The following NID2 variants were observed in gnomAD, a reference collection of about 807,000 sequenced individuals.
The protein encoded by NID2 is nidogen 2, also known as nidogen-2.
In NID2, 83 loss-of-function variants were observed where a neutral mutation model predicts 145.4. That is an observed-to-expected ratio of 0.57 (90% confidence interval 0.48 to 0.69). NID2 has a LOEUF of 0.69. Ranked by LOEUF, NID2 falls within the 30% of genes least tolerant of loss-of-function variation. The probability of loss-of-function intolerance (pLI) is 0.00; values close to 1 mark genes in which losing one functional copy is unlikely to be tolerated. For missense variants in NID2, 1,807 were observed against 1,765.7 expected, an observed-to-expected ratio of 1.02 and a Z score of -0.42; for synonymous variants, 739 against 701.3, an observed-to-expected ratio of 1.05 and a Z score of -0.85.
At chr14:52,037,310 A>G (rs1892107544) in intron 9 of NID2, among the ~76,000 whole-genome samples, 1 of 151,994 alleles carries the variant, frequency 6.6e-6, no homozygotes, top group Admixed American at 6.6e-5. Flanking sequence ...TATTATTATT[A>G]TACTTTAAGT....
chr14:52,007,452 C>A, intron 19 of NID2: 1 of 264,040 alleles, frequency 3.8e-6, no homozygotes, highest in Non-Finnish European at 7.3e-6. Flanking sequence ...ATGTCCTTAG[C>A]ATTATAACAG....
chr14:52,057,472 G>A (rs1214972990), intron 3 of NID2, among the ~76,000 whole-genome samples: 1 of 152,114 alleles, frequency 6.6e-6, no homozygotes, highest in Non-Finnish European at 1.5e-5. Flanking sequence ...GGAGGCTGAG[G>A]CAGGTGGATC....
intron 20 of NID2, chr14:52,006,135 C>G (rs1434130778): frequency 2.3e-6 from 1 of 441,562 alleles, no homozygotes; most frequent in Non-Finnish European, 4.2e-6. Context: ...GAGAACTAGT[C>G]TAAATAGTAT....
At position 52,005,465 on chromosome 14, in the gene NID2, TCTTC is replaced by T. The variant is rs1470737649; in HGVS notation, c.*17_*20del. On this transcript the variant is annotated 3_prime_UTR_variant, in exon 22 of 22. Coordinates refer to ENST00000216286, the MANE Select transcript of NID2 (RefSeq NM_007361.4). ...CCAGGTTCTGATTGTAAACTCCAAG[TCTTC>T]CTTTACATTACTGTACTTACTTTCT... The T allele has an allele frequency of 5.1e-6, 8 of 1,580,946 alleles. No individual in the cohort carries two copies. The highest frequency in any genetic ancestry group is 6.9e-6 in the Non-Finnish European group (8 of 1,167,166).
At chr14:52,034,047 T>C (rs936850473) in intron 9 of NID2, among the ~76,000 whole-genome samples, 5 of 152,126 alleles carry the variant, frequency 3.3e-5, no homozygotes, top group Admixed American at 6.5e-5. Context: ...GAGGTCATTG[T>C]GGGGATTAAA....
At position 52,010,961 on chromosome 14, in the gene NID2, C is replaced by T. The variant is rs370703062; in HGVS notation, c.3637G>A (p.Ala1213Thr). The change falls in exon 18 of 22, where the codon GCC (alanine) becomes ACC (threonine). Residue 1213 changes from alanine to threonine, a missense_variant. Physicochemically the swap from Ala to Thr is moderately conservative, Grantham distance 58. Coordinates refer to ENST00000216286, the MANE Select transcript of NID2 (RefSeq NM_007361.4). Reference sequence around the variant, plus strand: ...TTGCGCTCAGAGCCATCCAGCAGGGCGCTCTCTATCTTATCCAGGACACTG... The same window carrying T: ...TTGCGCTCAGAGCCATCCAGCAGGGTGCTCTCTATCTTATCCAGGACACTG... ...TDSVLDKIES[A>T]LLDGSERKVL... 74 of 1,614,104 alleles carry T rather than the reference C, an allele frequency of 4.6e-5. No individual in the cohort carries two copies. In the Middle Eastern group the frequency reaches 8.3e-4, roughly 18 times the overall value.
At position 52,068,938 on chromosome 14, in the gene NID2, C is replaced by T. The variant is rs760690386; in HGVS notation, c.57G>A (p.Leu19=). The T allele has an allele frequency of 1.6e-5, 26 of 1,613,852 alleles. No homozygotes were observed. The highest frequency in any genetic ancestry group is 2.1e-5 in the Non-Finnish European group (25 of 1,179,960). The change falls in exon 1 of 22, where the codon CTG becomes CTA. Residue 19 remains leucine, a synonymous_variant. Coordinates refer to ENST00000216286, the MANE Select transcript of NID2 (RefSeq NM_007361.4). ...CCCGCAACATTAGCAACGGCAGCAG[C>T]AGTAGCACTGGTAACGACGACAGCA... is the stretch of plus-strand genomic sequence containing the variant. The part of the protein sequence containing the change: ...RPVLSSLPVL[L]LLPLLMLRAA...
intron 21 of NID2, 95 bp from the exon 22 acceptor site, chr14:52,005,591 G>A (rs1890742311): frequency 6.7e-7 from 1 of 1,492,604 alleles, no homozygotes; most frequent in African/African-American, 1.4e-5. Context: ...TATAAACTAG[G>A]TAGATTTAAG....
chr14:52,067,808 T>C, intron 2 of NID2, 50 bp downstream of exon 2: 10 of 1,597,752 alleles, frequency 6.3e-6, no homozygotes, highest in Non-Finnish European at 8.6e-6. Flanking sequence ...CCCCAGAATT[T>C]AAGCCCATCC....
chr14:52,005,350 TACAAA>T lies in NID2; in HGVS notation c.*131_*135del. The T allele has an allele frequency of 1.3e-6, 1 of 758,472 alleles. No homozygotes were observed. Among genetic ancestry groups the T allele is most frequent in the Non-Finnish European group, 2.0e-6 (1 of 511,970 alleles). The allele number at this position is 758,472 out of a possible 1,614,324, so 47.0% of individuals were successfully genotyped here. A position where few individuals can be genotyped will look rare whatever the true frequency, so the allele number is the denominator to read the frequency against. ...GCTTTTCACAAAAGTCTTTTTGCAC[TACAAA>T]ATGTTCATCTTGGATGCTCAGGAAC... On this transcript the variant is annotated 3_prime_UTR_variant, in exon 22 of 22. Coordinates refer to ENST00000216286, the MANE Select transcript of NID2 (RefSeq NM_007361.4).
At chr14:52,019,603 A>C (rs1891330203) in intron 13 of NID2, among the ~76,000 whole-genome samples, 1 of 152,172 alleles carries the variant, frequency 6.6e-6, no homozygotes, top group South Asian at 2.1e-4. Flanking sequence ...GCCAAAGCTC[A>C]TTCATGCCCT....
intron 14 of NID2, among the ~76,000 whole-genome samples, 168 bp from the exon 15 acceptor site, chr14:52,015,443 A>C (rs531381587): frequency 6.6e-6 from 1 of 152,346 alleles, no homozygotes; most frequent in African/African-American, 2.4e-5. Context: ...AATGTGTTCT[A>C]AGTACTTCTC....
intron 16 of NID2, among the ~76,000 whole-genome samples, chr14:52,012,779 C>G (rs1891081307): frequency 1.3e-5 from 2 of 152,158 alleles, no homozygotes; most frequent in Non-Finnish European, 2.9e-5. Flanking sequence ...GCAGAACTTG[C>G]TTCATTCAGT....
In NID2 at chr14:52,060,146, G is replaced by C; in HGVS notation, c.745C>G (p.Gln249Glu). Residue 249 changes from glutamine to glutamate, a missense_variant, in exon 3 of 22, where the codon CAG becomes GAG. Transcript: ENST00000216286. ...TACTGATAGAGATTTTTCACAGACT[G>C]TTCAGTGCTAGTCAAGCTGAAATAT... Reference protein sequence around the residue: ...GPYFSLTSTEQSVKNLYQLSN... With the variant: ...GPYFSLTSTEESVKNLYQLSN... The C allele has an allele frequency of 6.2e-7, 1 of 1,611,832 alleles. No individual in the cohort carries two copies. Among genetic ancestry groups the C allele is most frequent in the Non-Finnish European group, 8.5e-7 (1 of 1,178,208 alleles).
chr14:52,034,572 C>T (rs182388797), intron 9 of NID2, among the ~76,000 whole-genome samples: 9 of 152,318 alleles, frequency 5.9e-5, no homozygotes, highest in Non-Finnish European at 7.4e-5. Context: ...CAAAGCACCT[C>T]GGGATTCTCA....
At chr14:52,013,926 C>T (rs1272990199) in intron 16 of NID2, among the ~76,000 whole-genome samples, 5 of 152,342 alleles carry the variant, frequency 3.3e-5, no homozygotes, top group African/African-American at 1.2e-4. Flanking sequence ...CTTTGATTTC[C>T]AGGATTTCCA....
chr14:52,068,206 C>T (rs1454836572), intron 1 of NID2, 43 bp from the exon 2 acceptor site: 1 of 1,575,314 alleles, frequency 6.3e-7, no homozygotes, highest in Admixed American at 1.7e-5. Flanking sequence ...CGCTCAAGCC[C>T]AAGGACGCTA....
intron 11 of NID2, among the ~76,000 whole-genome samples, chr14:52,027,633 T>TACACACACACACACACACACAC (rs59049676): frequency 1.4e-5 from 2 of 144,162 alleles, no homozygotes; most frequent in East Asian, 2.1e-4. Flanking sequence ...GAGCAATTGC[T>TACACACACACACACACACACAC]ACACACACAC....
At chr14:52,042,070 T>C (rs2140402431) in intron 7 of NID2, 35 bp downstream of exon 7, 1 of 1,544,394 alleles carries the variant, frequency 6.5e-7, no homozygotes, top group African/African-American at 1.4e-5. Flanking sequence ...GCCAAAGCAA[T>C]GCTGACTACC....
Sources: gnomAD v4.1 joint callset for allele counts (sites outside exome capture counted in the v4.1 genomes callset) on GRCh38, gnomAD v4.1.1 for gene constraint, MANE v1.5 for transcripts, NCBI Gene and HGNC (gene_info 2026-07-23, HGNC 2026-07-21) for gene names.